TNFSF4: variants seen among roughly 807,000 people sequenced by gnomAD.
TNFSF4 encodes the protein TNF superfamily member 4.
In TNFSF4, 4 loss-of-function variants were observed where a neutral mutation model predicts 7.3. That is an observed-to-expected ratio of 0.55 (90% CI 0.27 to 1.25). The LOEUF (loss-of-function observed/expected upper bound fraction) is 1.25. Among genes scored for constraint, TNFSF4 ranks in the 50% most tolerant of loss-of-function variants. The probability of loss-of-function intolerance (pLI) is 0.12; values close to 1 mark genes in which losing one functional copy is unlikely to be tolerated. For synonymous variants in TNFSF4, 76 were observed against 83.7 expected (o/e 0.91, Z 0.50); for missense variants, 181 against 208.8 (o/e 0.87, Z 0.82).
the TNFSF4 span, among the ~76,000 whole-genome samples, chr1:173,318,562 T>A: frequency 6.6e-6 from 1 of 152,188 alleles, no homozygotes; most frequent in Admixed American, 6.5e-5. Flanking sequence ...CTTTTCAAAT[T>A]TCAACCTCAT....
chr1:173,282,299 T>A, the TNFSF4 span, among the ~76,000 whole-genome samples: 2 of 152,006 alleles, frequency 1.3e-5, no homozygotes, highest in Admixed American at 6.6e-5. Context: ...AAATATCATA[T>A]GCACCCCATA....
At chr1:173,241,508 T>C in the TNFSF4 span, among the ~76,000 whole-genome samples, 1 of 152,202 alleles carries the variant, frequency 6.6e-6, no homozygotes, top group African/African-American at 2.4e-5. Flanking sequence ...ATCCACAGCA[T>C]TAGTAAAAGA....
chr1:173,318,844 C>T, the TNFSF4 span, among the ~76,000 whole-genome samples: 1 of 152,142 alleles, frequency 6.6e-6, no homozygotes, highest in Non-Finnish European at 1.5e-5. Flanking sequence ...TTCAGCATTT[C>T]CAACTGAGAT....
At chr1:173,398,493 C>T in the TNFSF4 span, among the ~76,000 whole-genome samples, 3 of 144,332 alleles carry the variant, frequency 2.1e-5, no homozygotes, top group Non-Finnish European at 3.0e-5. Context: ...GGCGTGATCT[C>T]GGCTTACTGC....
chr1:173,395,298 G>C, the TNFSF4 span, among the ~76,000 whole-genome samples: 1 of 146,458 alleles, frequency 6.8e-6, no homozygotes, highest in Non-Finnish European at 1.5e-5. Flanking sequence ...TCTGGCAATA[G>C]AGATACACAA....
At chr1:173,390,024 G>C in the TNFSF4 span, among the ~76,000 whole-genome samples, 1 of 152,076 alleles carries the variant, frequency 6.6e-6, no homozygotes, top group South Asian at 2.1e-4. Context: ...TGGGTTAAGG[G>C]TAAGTCCTTC....
chr1:173,349,984 AAC>A, the TNFSF4 span, among the ~76,000 whole-genome samples: 1 of 152,376 alleles, frequency 6.6e-6, no homozygotes, highest in Non-Finnish European at 1.5e-5. Flanking sequence ...TAATCTTCAA[AAC>A]AGAAGCAAGT....
the TNFSF4 span, among the ~76,000 whole-genome samples, chr1:173,371,085 T>C: frequency 2.6e-5 from 4 of 152,170 alleles, no homozygotes. Flanking sequence ...CACCAGCTCA[T>C]GTCATCACCC....
At chr1:173,348,157 T>C in the TNFSF4 span, among the ~76,000 whole-genome samples, 17 of 152,296 alleles carry the variant, frequency 1.1e-4, no homozygotes, top group East Asian at 3.3e-3. Flanking sequence ...CCAAATCTCA[T>C]CTTGAATTAT....
chr1:173,173,004 GA>G, the TNFSF4 span, among the ~76,000 whole-genome samples: 1 of 152,152 alleles, frequency 6.6e-6, no homozygotes, highest in Non-Finnish European at 1.5e-5. Flanking sequence ...AGTGCAGAGT[GA>G]AGGAGGAAAA....
the TNFSF4 span, among the ~76,000 whole-genome samples, chr1:173,355,265 G>A: frequency 2.6e-5 from 4 of 152,134 alleles, no homozygotes; most frequent in East Asian, 1.9e-4. Flanking sequence ...CTCCCCATCC[G>A]AAGGACTCTA....
At chr1:173,292,480 G>C in the TNFSF4 span, among the ~76,000 whole-genome samples, 1 of 151,900 alleles carries the variant, frequency 6.6e-6, no homozygotes, top group Non-Finnish European at 1.5e-5. Context: ...AAGAAACACA[G>C]CTCAAAATAA....
the TNFSF4 span, among the ~76,000 whole-genome samples, chr1:173,320,691 A>C: frequency 6.6e-6 from 1 of 152,162 alleles, no homozygotes; most frequent in Non-Finnish European, 1.5e-5. Flanking sequence ...ATAATAGACA[A>C]ACAGAGAGCC....
chr1:173,218,838 A>C, the TNFSF4 span, among the ~76,000 whole-genome samples: 1 of 152,184 alleles, frequency 6.6e-6, no homozygotes, highest in Non-Finnish European at 1.5e-5. Flanking sequence ...TAAGAAACAT[A>C]AAATATATGT....
At chr1:173,183,158 G>C (rs771151269), downstream of TNFSF4, among the ~76,000 whole-genome samples, 35 of 152,172 alleles carry the variant, frequency 2.3e-4, no homozygotes, top group Non-Finnish European at 3.2e-4. Flanking sequence ...GCTGAGAGTA[G>C]AGTCCTGAAG....
At chr1:173,337,747 T>G in the TNFSF4 span, among the ~76,000 whole-genome samples, 1 of 152,214 alleles carries the variant, frequency 6.6e-6, no homozygotes, top group African/African-American at 2.4e-5. Context: ...ATATATGGAT[T>G]CATGGGTTGT....
the TNFSF4 span, among the ~76,000 whole-genome samples, chr1:173,269,074 T>C: frequency 1.3e-5 from 2 of 152,162 alleles, no homozygotes; most frequent in East Asian, 1.9e-4. Flanking sequence ...AAAGACATTA[T>C]GTGCACGTGA....
chr1:173,235,867 C>G, the TNFSF4 span, among the ~76,000 whole-genome samples: 1 of 152,206 alleles, frequency 6.6e-6, no homozygotes, highest in Non-Finnish European at 1.5e-5. Context: ...ATTCATCTTG[C>G]TGGACTTAAT....
the TNFSF4 span, among the ~76,000 whole-genome samples, chr1:173,176,843 T>C: frequency 6.6e-6 from 1 of 152,038 alleles, no homozygotes. Flanking sequence ...GAACTGGAGA[T>C]CATTATCCTA....
Sources: allele counts gnomAD v4.1 joint callset (sites outside exome capture counted in the v4.1 genomes callset), GRCh38; gene constraint gnomAD v4.1.1; transcripts MANE v1.5; gene names NCBI Gene and HGNC (gene_info 2026-07-23, HGNC 2026-07-21).